The following SLC39A8 variants were observed in gnomAD, a reference collection of about 807,000 sequenced individuals.
SLC39A8 encodes the protein solute carrier family 39 member 8, also known as metal cation symporter ZIP8.
Under a neutral mutation model 40.4 loss-of-function variants are expected in SLC39A8, and 15 were observed. The ratio of observed to expected loss-of-function variants is 0.37; its 90% CI spans 0.25 to 0.57. The LOEUF (loss-of-function observed/expected upper bound fraction) is 0.57. Ranked by LOEUF, SLC39A8 falls within the 20% of genes least tolerant of loss-of-function variation. The pLI, the probability that SLC39A8 is intolerant of heterozygous loss-of-function variation, is 0.75. For missense variants in SLC39A8, 472 were observed against 558.8 expected, an observed-to-expected ratio of 0.84 and a Z score of 1.57; for synonymous variants, 223 against 221.6, an observed-to-expected ratio of 1.01 and a Z score of -0.06.
chr4:102,253,624 C>T (rs1456706027), intron 11 of SLC39A8, among the ~76,000 whole-genome samples: 1 of 151,822 alleles, frequency 6.6e-6, no homozygotes, highest in African/African-American at 2.4e-5. Flanking sequence ...ATTCAAAAAT[C>T]CCACCAAGAC....
intron 6 of SLC39A8, among the ~76,000 whole-genome samples, chr4:102,281,816 C>T (rs1278143026): frequency 2.0e-5 from 3 of 152,164 alleles, no homozygotes; most frequent in Non-Finnish European, 4.4e-5. Context: ...GACCACATTC[C>T]CTCTGAAAGC....
At chr4:102,342,753 C>T (rs1735999793) in intron 2 of SLC39A8, among the ~76,000 whole-genome samples, 1 of 152,266 alleles carries the variant, frequency 6.6e-6, no homozygotes, top group East Asian at 1.9e-4. Context: ...TACACTTAAC[C>T]AATTTTCCTA....
At chr4:102,305,825 C>T (rs955409211) in intron 4 of SLC39A8, among the ~76,000 whole-genome samples, 1 of 151,974 alleles carries the variant, frequency 6.6e-6, no homozygotes, top group Non-Finnish European at 1.5e-5. Flanking sequence ...GACACATAAA[C>T]TTCAAATAAA....
chr4:102,301,154 T>C (rs1733907474), intron 6 of SLC39A8, among the ~76,000 whole-genome samples: 2 of 151,958 alleles, frequency 1.3e-5, no homozygotes, highest in Non-Finnish European at 2.9e-5. Context: ...CATTATTCCC[T>C]CTCACTAGAT....
At chr4:102,259,523 A>G, downstream of SLC39A8, 2 of 1,535,838 alleles carry the variant, frequency 1.3e-6, no homozygotes, top group Admixed American at 2.0e-5. Flanking sequence ...ATCTACAAGA[A>G]TCAGATAACA....
intron 6 of SLC39A8, among the ~76,000 whole-genome samples, chr4:102,296,289 A>G (rs1733673781): frequency 6.6e-6 from 1 of 151,902 alleles, no homozygotes; most frequent in Non-Finnish European, 1.5e-5. Context: ...GAACATATAC[A>G]AATAGATTCA....
intron 2 of SLC39A8, among the ~76,000 whole-genome samples, chr4:102,340,497 C>G (rs189316637): frequency 1.3e-5 from 2 of 152,150 alleles, no homozygotes; most frequent in African/African-American, 2.4e-5. Context: ...TTCTAGAGAA[C>G]CAGGCAGTGT....
At chr4:102,314,200 A>G (rs1734561286) in intron 3 of SLC39A8, among the ~76,000 whole-genome samples, 1 of 152,042 alleles carries the variant, frequency 6.6e-6, no homozygotes, top group Non-Finnish European at 1.5e-5. Context: ...CAAACCATTT[A>G]GCATGATCTC....
rs1460438064 is a variant in SLC39A8 at position 102,315,848 on chromosome 4, A to G, written c.220-18T>C. 2 of 1,585,752 alleles carry G rather than the reference A, an allele frequency of 1.3e-6. No individual in the cohort carries two copies. The highest frequency in any genetic ancestry group is 1.7e-6 in the Non-Finnish European group (2 of 1,166,524). On this transcript the variant is annotated intron_variant, in intron 2 of 8. Coordinates refer to ENST00000356736, the MANE Select transcript of SLC39A8 (RefSeq NM_001135146.2). The stretch of plus-strand genomic sequence containing the variant: ...GTTAAACACTGAAATAGAATAAACA[A>G]AAAAAAAATGTGATAATAATGTGTA...
In SLC39A8 at chr4:102,344,574, C is replaced by G. The variant is rs1560576028; in HGVS notation, c.89G>C (p.Ser30Thr). ...GCCGAACACGCTCAGCACATCCTCG[C>G]TGAAGGCTAGCCCTGGCCCCTCCGC... ...GVAEGPGLAFSEDVLSVFGAN... is the reference protein window; with the variant it reads ...GVAEGPGLAFTEDVLSVFGAN... Residue 30 changes from serine (S) to threonine (T), a missense_variant, in exon 2 of 9, where the codon AGC (serine) becomes ACC (threonine). Around this residue, in one of 4 missense-constraint regions of SLC39A8, gnomAD observed 175 missense variants for 160.5 expected, o/e 1.09. Transcript: ENST00000356736. 1 of 1,550,982 alleles carries G rather than the reference C, an allele frequency of 6.4e-7. No individual in the cohort carries two copies. Among genetic ancestry groups the G allele is most frequent in the Non-Finnish European group, 8.7e-7 (1 of 1,147,426 alleles).
chr4:102,282,894 T>G (rs1375739019), intron 6 of SLC39A8, among the ~76,000 whole-genome samples: 1 of 152,026 alleles, frequency 6.6e-6, no homozygotes, highest in Non-Finnish European at 1.5e-5. Flanking sequence ...GCCTGGCTAA[T>G]TTTTTGTATT....
intron 2 of SLC39A8, among the ~76,000 whole-genome samples, chr4:102,333,180 G>GTA (rs1195531235): frequency 7.2e-5 from 11 of 151,926 alleles, no homozygotes; most frequent in East Asian, 1.9e-4. Flanking sequence ...AATAAAATGT[G>GTA]TATATATATA....
At chr4:102,258,870 A>G (rs1169585910), downstream of SLC39A8, among the ~76,000 whole-genome samples, 3 of 151,616 alleles carry the variant, frequency 2.0e-5, no homozygotes, top group African/African-American at 7.3e-5. Context: ...ACCTTCTTCT[A>G]TTTTCAAGAT....
At chr4:102,259,796 G>A (rs1040886737), downstream of SLC39A8, among the ~76,000 whole-genome samples, 2 of 152,158 alleles carry the variant, frequency 1.3e-5, no homozygotes, top group African/African-American at 4.8e-5. Context: ...ACCCATATGG[G>A]GCAGGGGGAG....
At chr4:102,319,961 T>C (rs2149043571) in intron 2 of SLC39A8, among the ~76,000 whole-genome samples, 1 of 151,694 alleles carries the variant, frequency 6.6e-6, no homozygotes, top group South Asian at 2.1e-4. Context: ...CCTTCCTCAC[T>C]GCTTGAACTG....
At chr4:102,345,027 GC>G in intron 1 of SLC39A8, 112 bp from the exon 2 acceptor site, 1 of 563,752 alleles carries the variant, frequency 1.8e-6, no homozygotes, top group Non-Finnish European at 2.4e-6. Context: ...CGGGCATGGG[GC>G]CAGACGCCCC....
At chr4:102,290,095 A>G (rs1043842520) in intron 6 of SLC39A8, among the ~76,000 whole-genome samples, 8 of 148,842 alleles carry the variant, frequency 5.4e-5, no homozygotes, top group African/African-American at 2.0e-4. Context: ...CAGTCACTCC[A>G]AACTTCAGCA....
intron 6 of SLC39A8, among the ~76,000 whole-genome samples, chr4:102,290,982 G>A (rs1169136044): frequency 6.6e-6 from 1 of 151,866 alleles, no homozygotes; most frequent in African/African-American, 2.4e-5. Flanking sequence ...TGCTCCATAA[G>A]ATATCCCTAC....
chr4:102,294,757 G>C (rs1159923992), intron 6 of SLC39A8, among the ~76,000 whole-genome samples: 2 of 149,628 alleles, frequency 1.3e-5, no homozygotes, highest in East Asian at 3.9e-4. Context: ...AAATCATTAA[G>C]AAAAAAAAAC....
Sources: gnomAD v4.1 joint callset for allele counts (sites outside exome capture counted in the v4.1 genomes callset) on GRCh38, gnomAD v4.1.1 for gene constraint, gnomAD v4.1.1 regional missense constraint, MANE v1.5 for transcripts, NCBI Gene and HGNC (gene_info 2026-07-23, HGNC 2026-07-21) for gene names.